WWOX: variants seen among roughly 807,000 people sequenced by gnomAD.
WWOX encodes the protein WW domain containing oxidoreductase, also known as WW domain-containing oxidoreductase.
WWOX carries 69 observed loss-of-function variants against 46.2 expected under a neutral mutation model. The ratio of observed to expected loss-of-function variants is 1.49; its 90% CI spans 1.23 to 1.82. The LOEUF is 1.82. Among genes scored for constraint, WWOX ranks in the 40% most tolerant of loss-of-function variants. The pLI is 0.00. For missense variants in WWOX, 919 were observed against 542.6 expected, an observed-to-expected ratio of 1.69 and a Z score of -6.89; for synonymous variants, 359 against 202.6, an observed-to-expected ratio of 1.77 and a Z score of -6.56.
In WWOX at chr16:78,922,513, G is replaced by A. The variant is rs190934176; in HGVS notation, c.1057-289095G>A. On this transcript the variant is annotated intron_variant, in intron 8 of 8. Transcript: ENST00000566780. ...CGTGCCTCAGCCTCCTGAGTCACTG[G>A]GATTACAGGCATGCACAACAACACC... 1.1e-3 allele frequency among the ~76,000 whole-genome samples: 160 copies of A among 151,946 alleles called. 3 individuals are homozygous for A. The highest frequency in any genetic ancestry group is 9.6e-3 in the Admixed American group (147 of 15,260).
At chr16:78,496,418 C>G (rs991180159) in intron 8 of WWOX, 1 of 152,216 alleles carries the variant, frequency 6.6e-6, no homozygotes, top group Admixed American at 6.5e-5. Flanking sequence ...GGAGAATTTC[C>G]TATCTGTGAT....
At chr16:78,817,864 C>A (rs2051380607) in intron 8 of WWOX, among the ~76,000 whole-genome samples, 1 of 152,160 alleles carries the variant, frequency 6.6e-6, no homozygotes, top group Non-Finnish European at 1.5e-5. Flanking sequence ...TTCTTATTGT[C>A]ATAGGTCATT....
intron 8 of WWOX, among the ~76,000 whole-genome samples, chr16:78,906,344 C>T (rs935515391): frequency 1.3e-5 from 2 of 152,168 alleles, no homozygotes; most frequent in African/African-American, 4.8e-5. Context: ...GCAAAGAAAG[C>T]CCGGCTGGAA....
intron 8 of WWOX, among the ~76,000 whole-genome samples, chr16:78,452,164 C>T (rs1168774238): frequency 6.6e-6 from 1 of 152,140 alleles, no homozygotes; most frequent in Non-Finnish European, 1.5e-5. Flanking sequence ...TAATACCAGG[C>T]CAAAAGTAAC....
intron 5 of WWOX, among the ~76,000 whole-genome samples, chr16:78,271,337 C>T (rs974300222): frequency 1.3e-5 from 2 of 152,166 alleles, no homozygotes; most frequent in Admixed American, 1.3e-4. Flanking sequence ...CATGTAAACT[C>T]GCTCTTGCTT....
chr16:78,507,688 C>T (rs943726988), intron 8 of WWOX, among the ~76,000 whole-genome samples: 1 of 152,078 alleles, frequency 6.6e-6, no homozygotes, highest in Admixed American at 6.6e-5. Context: ...TCTTGGCATG[C>T]GTTCTTACCT....
intron 8 of WWOX, among the ~76,000 whole-genome samples, chr16:78,787,167 A>G (rs995028874): frequency 1.3e-5 from 2 of 152,180 alleles, no homozygotes; most frequent in Non-Finnish European, 2.9e-5. Flanking sequence ...AATAAAACAA[A>G]CAAAACAAAA....
intron 8 of WWOX, among the ~76,000 whole-genome samples, chr16:78,459,745 T>A (rs1353454853): frequency 6.6e-6 from 1 of 152,238 alleles, no homozygotes; most frequent in East Asian, 1.9e-4. Flanking sequence ...TGCATTTACA[T>A]TCAGCCTGAA....
At chr16:78,635,489 T>G (rs2046545517) in intron 8 of WWOX, among the ~76,000 whole-genome samples, 1 of 152,146 alleles carries the variant, frequency 6.6e-6, no homozygotes, top group African/African-American at 2.4e-5. Context: ...GTCGTGCACC[T>G]GGGTTCATAT....
chr16:78,333,599 A>C (rs909715887), intron 5 of WWOX, among the ~76,000 whole-genome samples: 3 of 152,222 alleles, frequency 2.0e-5, no homozygotes, highest in African/African-American at 7.2e-5. Context: ...ATACATAAAC[A>C]GATATTCATC....
intron 8 of WWOX, among the ~76,000 whole-genome samples, chr16:78,743,631 C>A (rs2049281787): frequency 6.6e-6 from 1 of 152,192 alleles, no homozygotes; most frequent in African/African-American, 2.4e-5. Flanking sequence ...CCCCACTTTT[C>A]TGAGTTGCAG....
chr16:78,704,087 A>G (rs1462127121), intron 8 of WWOX, among the ~76,000 whole-genome samples: 2 of 151,710 alleles, frequency 1.3e-5, no homozygotes, highest in Non-Finnish European at 2.9e-5. Context: ...TCAATTCACT[A>G]GATGTTGTTC....
intron 5 of WWOX, among the ~76,000 whole-genome samples, chr16:78,315,302 A>C (rs1199845501): frequency 6.6e-6 from 1 of 152,200 alleles, no homozygotes; most frequent in Non-Finnish European, 1.5e-5. Context: ...TCCTTGTAAA[A>C]GCTTCATTGT....
chr16:79,150,187 T>C (rs1376940069), intron 8 of WWOX, among the ~76,000 whole-genome samples: 1 of 152,194 alleles, frequency 6.6e-6, no homozygotes, highest in African/African-American at 2.4e-5. Flanking sequence ...CTCTTCTTGT[T>C]AGAGGTAGAA....
chr16:79,085,871 C>T (rs2048845118), intron 8 of WWOX, among the ~76,000 whole-genome samples: 1 of 151,968 alleles, frequency 6.6e-6, no homozygotes, highest in South Asian at 2.1e-4. Flanking sequence ...CACAGTGAGA[C>T]CTCATCACTA....
At chr16:78,709,930 C>T (rs554498304) in intron 8 of WWOX, among the ~76,000 whole-genome samples, 4 of 152,140 alleles carry the variant, frequency 2.6e-5, no homozygotes, top group African/African-American at 9.6e-5. Flanking sequence ...GGGGTTTCAC[C>T]ATGTTGCCCA....
At chr16:78,486,412 T>C (rs1462632336) in intron 8 of WWOX, among the ~76,000 whole-genome samples, 1 of 152,226 alleles carries the variant, frequency 6.6e-6, no homozygotes, top group Non-Finnish European at 1.5e-5. Context: ...ATATAGCTTA[T>C]TGAATCATAC....
In WWOX at chr16:78,660,767, C is replaced by T. The variant is rs567182458; in HGVS notation, c.1056+228015C>T. Among the ~76,000 whole-genome samples the T allele has an allele frequency of 9.9e-5, 15 of 152,212 alleles. No homozygotes were observed. In the South Asian group the frequency reaches 2.5e-3, roughly 25 times the overall value. ...AGTTTGTTATGGATTCTTCCAGAAA[C>T]GTTCTATGCATTTAGCATCAGTTGC... On this transcript the variant is annotated intron_variant, in intron 8 of 8. Coordinates refer to ENST00000566780, the MANE Select transcript of WWOX (RefSeq NM_016373.4).
chr16:78,683,512 C>T (rs1328915789), intron 8 of WWOX, among the ~76,000 whole-genome samples: 3 of 151,436 alleles, frequency 2.0e-5, no homozygotes, highest in Admixed American at 6.6e-5. Flanking sequence ...TGCACTCCAG[C>T]CTGGCTGACA....
Sources: gnomAD v4.1 joint callset for allele counts (sites outside exome capture counted in the v4.1 genomes callset) on GRCh38, gnomAD v4.1.1 for gene constraint, MANE v1.5 for transcripts, NCBI Gene and HGNC (gene_info 2026-07-23, HGNC 2026-07-21) for gene names.